NBPF14: variants seen among roughly 807,000 people sequenced by gnomAD.
NBPF14 encodes NBPF family member NBPF14.
NBPF14 carries 104 observed loss-of-function variants against 91.2 expected under a neutral mutation model. The ratio of observed to expected loss-of-function variants is 1.14; its 90% CI spans 0.97 to 1.34. The LOEUF is 1.34. Among genes scored for constraint, NBPF14 ranks in the 40% most tolerant of loss-of-function variants. The pLI, the probability that NBPF14 is intolerant of heterozygous loss-of-function variation, is 0.00. For synonymous variants in NBPF14, 294 were observed against 303.8 expected, an observed-to-expected ratio of 0.97 and a Z score of 0.34; for missense variants, 908 against 783.0, an observed-to-expected ratio of 1.16 and a Z score of -1.91.
intron 68 of NBPF14, 144 bp from the exon 69 acceptor site, chr1:148,535,000 T>C (rs1384549845): frequency 5.6e-6 from 4 of 710,464 alleles, no homozygotes; most frequent in Non-Finnish European, 1.0e-5. Flanking sequence ...ATTGCCTTTA[T>C]GTTGGGATAG....
At chr1:148,595,626 T>C in exon 2 of NBPF14, 1 of 1,500,292 alleles carries the variant, frequency 6.7e-7, no homozygotes. Context: ...CTGCTGTTTC[T>C]TCTCTGCCAG....
At chr1:148,542,255 C>A (rs1204673943) in intron 59 of NBPF14, among the ~76,000 whole-genome samples, 11 of 73,940 alleles carry the variant, frequency 1.5e-4, no homozygotes, top group African/African-American at 4.5e-4. Context: ...AATCTACAAA[C>A]CCTTGAGTCA....
intron 39 of NBPF14, 112 bp from the exon 40 acceptor site, chr1:148,557,654 G>T (rs1392972907): frequency 1.3e-5 from 8 of 608,554 alleles, no homozygotes; most frequent in Non-Finnish European, 2.3e-5. Flanking sequence ...ATGAGAACAG[G>T]ACCATGTGAG....
Position 148,566,352 on chromosome 1 carries a change from G to A in NBPF14, c.3543-37C>T, listed in dbSNP as rs1175551347. ...GGAAAAGGTAAAGAATAAGCCAGGG[G>A]AAATCAGACACAACAGAGCCTCAAC... is the stretch of plus-strand genomic sequence containing the variant. On this transcript the variant is annotated intron_variant, in intron 28 of 70. Coordinates refer to ENST00000619423, the Ensembl canonical transcript of NBPF14. 160 of 751,022 alleles carry A rather than the reference G, an allele frequency of 2.1e-4. 17 individuals are homozygous for A. The East Asian group carries it at 3.8e-3, about 18-fold the overall frequency. The allele number at this position is 751,022 out of a possible 1,614,324, so 46.5% of individuals were successfully genotyped here.
chr1:148,538,820 G>C, intron 63 of NBPF14, 120 bp from the exon 64 acceptor site: 1 of 61,998 alleles, frequency 1.6e-5, no homozygotes, highest in Non-Finnish European at 2.6e-5. Context: ...AGGACAATGT[G>C]AGAGATATAC....
chr1:148,559,856 G>C lies in NBPF14; in HGVS notation c.4666C>G (p.Pro1556Ala). Residue 1556 changes from proline (P) to alanine (A), a missense_variant, in exon 37 of 71, where the codon CCC becomes GCC. Physicochemically the swap from Pro to Ala is conservative, Grantham distance 27. Transcript: ENST00000619423. The stretch of plus-strand genomic sequence containing the variant: ...AATATGTAAAAGGCACTTCTATAGG[G>C]CTGGCATGAGTCAGTCAGTTCAAGA... The C allele has an allele frequency of 7.3e-6, 11 of 1,509,508 alleles. 1 individual carries two copies. Among genetic ancestry groups the C allele is most frequent in the Non-Finnish European group, 9.8e-6 (11 of 1,124,832 alleles). The allele number at this position is 1,509,508 out of a possible 1,614,324, so 93.5% of individuals were successfully genotyped here. A position where few individuals can be genotyped will look rare whatever the true frequency, so the allele number is the denominator to read the frequency against.
At chr1:148,588,391 T>TGCAATG (rs1661914005) in intron 7 of NBPF14, among the ~76,000 whole-genome samples, 1 of 146,526 alleles carries the variant, frequency 6.8e-6, no homozygotes, top group Non-Finnish European at 1.5e-5. Flanking sequence ...CAGGCTGGAG[T>TGCAATG]GCAATGGCAA....
At chr1:148,533,931 T>C (rs1654319201) in exon 70 of NBPF14, 1 of 743,538 alleles carries the variant, frequency 1.3e-6, no homozygotes, top group Non-Finnish European at 2.4e-6. Context: ...TTTGATCTTC[T>C]TCCCCTTCTT....
At chr1:148,542,236 G>C (rs1253415487) in intron 59 of NBPF14, among the ~76,000 whole-genome samples, 1 of 80,352 alleles carries the variant, frequency 1.2e-5, no homozygotes, top group African/African-American at 1.3e-4. Flanking sequence ...AAATTAGAGT[G>C]AAAAAGGAAA....
At chr1:148,566,454 C>T in intron 28 of NBPF14, 139 bp from the exon 29 acceptor site, 12 of 595,582 alleles carry the variant, frequency 2.0e-5, no homozygotes, top group South Asian at 6.0e-5. Context: ...CAAATTGTTG[C>T]CTTCATGTTG....
At chr1:148,587,259 T>C in intron 8 of NBPF14, 42 bp downstream of exon 8, 1 of 1,498,100 alleles carries the variant, frequency 6.7e-7, no homozygotes, top group Admixed American at 1.7e-5. Flanking sequence ...TTCAGAGATT[T>C]ACACACCTGC....
At position 148,559,786 on chromosome 1, in the gene NBPF14, T is replaced by C. The variant is rs1337468362; in HGVS notation, c.4729+7A>G. 6.1e-5 allele frequency: 90 copies of C among 1,470,868 alleles called. 3 individuals carry two copies. Among genetic ancestry groups the C allele is most frequent in the Non-Finnish European group, 7.6e-5 (83 of 1,091,712 alleles). 91.1% of individuals were successfully genotyped at this position (1,470,868 alleles called of 1,614,324 possible). Reference sequence around the variant, plus strand: ...GATCCTTATCACCTTCATAGAAAGGTACTCACCATCCATGTCAACAGCCAA... The same window carrying C: ...GATCCTTATCACCTTCATAGAAAGGCACTCACCATCCATGTCAACAGCCAA... On this transcript the variant is annotated splice_region_variant and intron_variant, in intron 37 of 70. Transcript: ENST00000619423.
intron 68 of NBPF14, among the ~76,000 whole-genome samples, chr1:148,535,155 C>G (rs1294273026): frequency 4.0e-5 from 6 of 148,946 alleles, no homozygotes; most frequent in East Asian, 3.9e-4. Context: ...TCGGGACACA[C>G]AGCGAACAGT....
intron 6 of NBPF14, among the ~76,000 whole-genome samples, chr1:148,589,834 G>A (rs1662154735): frequency 6.7e-6 from 1 of 148,262 alleles, no homozygotes; most frequent in Non-Finnish European, 1.5e-5. Flanking sequence ...CCGGGTTCAA[G>A]CGATTCTCAT....
intron 69 of NBPF14, among the ~76,000 whole-genome samples, 189 bp from the exon 70 acceptor site, chr1:148,534,158 G>C (rs1332934208): frequency 1.3e-5 from 2 of 148,180 alleles, no homozygotes; most frequent in East Asian, 2.0e-4. Context: ...CCCAGAAACT[G>C]TGGGTAAAAT....
At chr1:148,534,607 G>A in intron 69 of NBPF14, 77 bp downstream of exon 69, 2 of 905,830 alleles carry the variant, frequency 2.2e-6, no homozygotes, top group Non-Finnish European at 1.9e-6. Flanking sequence ...GGTGAGTAAG[G>A]GCCACTTGGA....
chr1:148,577,756 A>C (rs1170317900), intron 14 of NBPF14, among the ~76,000 whole-genome samples: 3 of 141,264 alleles, frequency 2.1e-5, no homozygotes, highest in Admixed American at 7.2e-5. Context: ...ATGAGAATAC[A>C]GCTTTTGAGG....
At chr1:148,561,753 A>G (rs1169608897) in intron 34 of NBPF14, among the ~76,000 whole-genome samples, 174 bp from the exon 35 acceptor site, 8 of 118,636 alleles carry the variant, frequency 6.7e-5, no homozygotes, top group Non-Finnish European at 1.1e-4. Flanking sequence ...CAAATGGAAA[A>G]GAATGAAAGA....
chr1:148,559,968 G>T lies in NBPF14; in HGVS notation c.4557-3C>A. On this transcript the variant is annotated splice_region_variant and splice_polypyrimidine_tract_variant and intron_variant, in intron 36 of 70. Transcript: ENST00000619423. Reference sequence around the variant, plus strand: ...CATGCAGCAGCTCCCTGCTGAGCCTGGAAAAGTGGAAAAAAGTAAAGAATA... The same window carrying T: ...CATGCAGCAGCTCCCTGCTGAGCCTTGAAAAGTGGAAAAAAGTAAAGAATA... 7 of 1,321,804 alleles carry T rather than the reference G, an allele frequency of 5.3e-6. No homozygotes were observed. Among genetic ancestry groups the T allele is most frequent in the Non-Finnish European group, 7.4e-6 (7 of 950,280 alleles). 81.9% of individuals were successfully genotyped at this position (1,321,804 alleles called of 1,614,324 possible). A position where few individuals can be genotyped will look rare whatever the true frequency, so the allele number is the denominator to read the frequency against.
Sources: gnomAD v4.1 joint callset for allele counts (sites outside exome capture counted in the v4.1 genomes callset) on GRCh38, gnomAD v4.1.1 for gene constraint, MANE v1.5 for transcripts, NCBI Gene and HGNC (gene_info 2026-07-23, HGNC 2026-07-21) for gene names.